Variants in NLGN4X observed in about 807,000 individuals in gnomAD.
NLGN4X encodes neuroligin 4 X-linked, also known as neuroligin-4, X-linked.
NLGN4X carries 3 observed loss-of-function variants against 40.3 expected under a neutral mutation model. The ratio of observed to expected loss-of-function variants is 0.07; its 90% CI spans 0.03 to 0.19. The LOEUF (loss-of-function observed/expected upper bound fraction) is 0.19. Among genes scored for constraint, NLGN4X ranks in the 10% least tolerant of loss-of-function variants. The pLI, the probability that NLGN4X is intolerant of heterozygous loss-of-function variation, is 1.00. For missense variants in NLGN4X, 382 were observed against 708.3 expected, an observed-to-expected ratio of 0.54 and a Z score of 5.23; for synonymous variants, 270 against 306.8, an observed-to-expected ratio of 0.88 and a Z score of 1.25.
intron 3 of NLGN4X, among the ~76,000 whole-genome samples, chrX:6,012,274 C>T (rs998019993): frequency 8.9e-6 from 1 of 112,508 alleles, no homozygotes; most frequent in African/African-American, 3.2e-5. Flanking sequence ...GGGAAAAACG[C>T]TTTTACTCCT....
intron 2 of NLGN4X, among the ~76,000 whole-genome samples, chrX:6,034,313 A>G (rs2036946336): frequency 8.9e-6 from 1 of 112,257 alleles, no homozygotes; most frequent in Non-Finnish European, 1.9e-5. Context: ...AGCATGCATC[A>G]ATACTTCATT....
intron 3 of NLGN4X, among the ~76,000 whole-genome samples, chrX:5,971,380 C>G (rs2035015812): frequency 9.0e-6 from 1 of 110,845 alleles, no homozygotes; most frequent in South Asian, 3.9e-4. Context: ...ATTCTGTCCA[C>G]TGAGTCTCAG....
chrX:6,031,761 GT>G (rs1761085865), intron 2 of NLGN4X, among the ~76,000 whole-genome samples: 2 of 104,103 alleles, frequency 1.9e-5, no homozygotes, highest in Non-Finnish European at 3.9e-5. Context: ...GCTTGCTTGA[GT>G]ACTTTTTTTG....
At chrX:5,920,226 C>T (rs1010414860) in intron 3 of NLGN4X, among the ~76,000 whole-genome samples, 4 of 111,912 alleles carry the variant, frequency 3.6e-5, no homozygotes, top group Non-Finnish European at 5.6e-5. Flanking sequence ...GAAGGAGTCC[C>T]GGTGTAGCTG....
At chrX:5,978,336 CTTTCT>C (rs770518028) in intron 3 of NLGN4X, among the ~76,000 whole-genome samples, 5,838 of 20,951 alleles carry the variant, frequency 0.28, 427 homozygotes, top group Non-Finnish European at 0.32. Context: ...TTCTTTCTTT[CTTTCT>C]TTCCCTTCCT....
chrX:5,975,885 T>G (rs985793898), intron 3 of NLGN4X, among the ~76,000 whole-genome samples: 1 of 111,559 alleles, frequency 9.0e-6, no homozygotes, highest in African/African-American at 3.3e-5. Flanking sequence ...TTTTAAATAT[T>G]AAGATGAGAC....
chrX:6,011,390 T>C (rs2036248763), intron 3 of NLGN4X, among the ~76,000 whole-genome samples: 1 of 107,270 alleles, frequency 9.3e-6, no homozygotes, highest in East Asian at 3.0e-4. Context: ...TATATATATG[T>C]ATACACACAT....
chrX:5,895,554 T>C (rs2031442186), intron 5 of NLGN4X, among the ~76,000 whole-genome samples: 1 of 111,513 alleles, frequency 9.0e-6, no homozygotes, highest in African/African-American at 3.3e-5. Context: ...CAGTTTATAC[T>C]GCATACTAAC....
intron 1 of NLGN4X, among the ~76,000 whole-genome samples, chrX:6,191,846 G>A (rs1261929810): frequency 3.6e-5 from 4 of 111,755 alleles, no homozygotes; most frequent in Admixed American, 9.5e-5. Flanking sequence ...ATGAAAGAGC[G>A]AGATTCTATC....
intron 2 of NLGN4X, among the ~76,000 whole-genome samples, chrX:6,115,136 T>C (rs1425373801): frequency 2.7e-5 from 3 of 111,886 alleles, no homozygotes. Context: ...TAATTCAGAA[T>C]CAGGTAATTC....
chrX:6,219,702 T>C (rs963637310), intron 1 of NLGN4X, among the ~76,000 whole-genome samples: 8 of 109,678 alleles, frequency 7.3e-5, no homozygotes, highest in Non-Finnish European at 1.1e-4. Context: ...TTTATTCTAT[T>C]TGGATGAGTG....
At position 6,049,911 on chromosome X, in the gene NLGN4X, G is replaced by GA. The variant is rs750918388; in HGVS notation, c.473-20480dup. On this transcript the variant is annotated intron_variant, in intron 2 of 5. Coordinates refer to ENST00000381095, the MANE Select transcript of NLGN4X (RefSeq NM_181332.3). ...TGTGCTCTCCACACCGTTCACCATAGAAACTGTTGCCTTCCTCAGAGATGC... is the reference window on the plus strand; with the variant it reads ...TGTGCTCTCCACACCGTTCACCATAGAAAACTGTTGCCTTCCTCAGAGATGC... Among the ~76,000 whole-genome samples the GA allele has an allele frequency of 1.1e-4, 12 of 111,651 alleles. No homozygotes were observed. The South Asian group carries it at 2.3e-3, about 21-fold the overall frequency.
At chrX:5,946,074 T>A (rs2146926328) in intron 3 of NLGN4X, among the ~76,000 whole-genome samples, 1 of 111,651 alleles carries the variant, frequency 9.0e-6, no homozygotes, top group East Asian at 2.8e-4. Flanking sequence ...TATACCTGGG[T>A]TGCTCAATCT....
chrX:6,125,026 G>A (rs1027848379), intron 2 of NLGN4X, among the ~76,000 whole-genome samples: 27 of 112,251 alleles, frequency 2.4e-4, no homozygotes, highest in African/African-American at 8.4e-4. Context: ...ATCTATGTGT[G>A]TATGTATATG....
At chrX:6,063,334 T>C (rs2037819603) in intron 2 of NLGN4X, among the ~76,000 whole-genome samples, 1 of 110,910 alleles carries the variant, frequency 9.0e-6, no homozygotes, top group African/African-American at 3.3e-5. Context: ...ATACAGAAAA[T>C]AAATAGCTGG....
At chrX:6,104,036 T>C (rs776707484) in intron 2 of NLGN4X, among the ~76,000 whole-genome samples, 1 of 112,017 alleles carries the variant, frequency 8.9e-6, no homozygotes, top group Non-Finnish European at 1.9e-5. Flanking sequence ...TGTGTGTGTA[T>C]GTGTGTGCAC....
chrX:6,180,787 G>A (rs2147801436), intron 1 of NLGN4X, among the ~76,000 whole-genome samples: 1 of 109,593 alleles, frequency 9.1e-6, no homozygotes, highest in South Asian at 3.9e-4. Context: ...CAGGACTTTG[G>A]AACACCTAAA....
intron 3 of NLGN4X, among the ~76,000 whole-genome samples, chrX:5,922,676 A>G (rs1265148885): frequency 9.0e-6 from 1 of 110,522 alleles, no homozygotes; most frequent in East Asian, 2.9e-4. Context: ...CATCCTGGCC[A>G]ACATGGTGAA....
In NLGN4X at chrX:5,892,200, T is replaced by A. The variant is rs755022371; in HGVS notation, c.*617A>T. The A allele has an allele frequency of 1.0e-4, 12 of 119,658 alleles. No homozygotes were observed. The highest frequency in any genetic ancestry group is 3.9e-4 in the African/African-American group (12 of 30,853). The allele number at this position is 119,658 out of a possible 1,213,427, so 9.9% of individuals were successfully genotyped here. The stretch of plus-strand genomic sequence containing the variant: ...ACTCACAGCTATATACATTTTTCTT[T>A]TTTACAAAGTCTCTTAAATATAGTT... On this transcript the variant is annotated 3_prime_UTR_variant, in exon 6 of 6. Coordinates refer to ENST00000381095, the MANE Select transcript of NLGN4X (RefSeq NM_181332.3).
Sources: gnomAD v4.1 joint callset for allele counts (sites outside exome capture counted in the v4.1 genomes callset) on GRCh38, gnomAD v4.1.1 for gene constraint, MANE v1.5 for transcripts, NCBI Gene and HGNC (gene_info 2026-07-23, HGNC 2026-07-21) for gene names.